Variants in CHODL observed in about 807,000 individuals in gnomAD.
CHODL encodes chondrolectin, also known as transmembrane protein MT75.
In CHODL, 29 loss-of-function variants were observed where a neutral mutation model predicts 34.5. The observed-to-expected ratio is 0.84, with a 90% CI of 0.63 to 1.15. The LOEUF (loss-of-function observed/expected upper bound fraction) is 1.15, where lower values mean the gene tolerates loss of function less well. Ranked by LOEUF, CHODL falls within the 50% of genes most tolerant of loss-of-function variation. CHODL has a pLI of 0.00. For missense variants in CHODL, 332 were observed against 332.5 expected, an observed-to-expected ratio of 1.00 and a Z score of 0.01; for synonymous variants, 125 against 116.1, an observed-to-expected ratio of 1.08 and a Z score of -0.49.
intron 2 of CHODL, among the ~76,000 whole-genome samples, chr21:18,142,783 G>C (rs913993325): frequency 6.6e-6 from 1 of 152,122 alleles, no homozygotes; most frequent in African/African-American, 2.4e-5. Context: ...ACTGTTTTCT[G>C]ACAAATATAT....
intron 1 of CHODL, among the ~76,000 whole-genome samples, chr21:17,968,953 A>G (rs1430754084): frequency 2.6e-5 from 4 of 152,150 alleles, no homozygotes; most frequent in African/African-American, 4.8e-5. Flanking sequence ...GGAACCATCA[A>G]TGGTTTTCTT....
At chr21:18,198,586 G>A (rs1401887681) in intron 2 of CHODL, among the ~76,000 whole-genome samples, 1 of 152,106 alleles carries the variant, frequency 6.6e-6, no homozygotes, top group Non-Finnish European at 1.5e-5. Flanking sequence ...CTCCCAAAGA[G>A]CAGAATTTCT....
chr21:17,978,280 G>A (rs550939825), intron 1 of CHODL, among the ~76,000 whole-genome samples: 1 of 152,030 alleles, frequency 6.6e-6, no homozygotes, highest in Non-Finnish European at 1.5e-5. Flanking sequence ...AAATTAGCTG[G>A]GTGTGGTGGC....
At chr21:18,248,603 A>G (rs1464979015) in intron 1 of CHODL, among the ~76,000 whole-genome samples, 1 of 134,224 alleles carries the variant, frequency 7.5e-6, no homozygotes, top group Non-Finnish European at 1.5e-5. Context: ...TATATAAAAT[A>G]TATGTATAAT....
intron 2 of CHODL, among the ~76,000 whole-genome samples, chr21:18,031,511 T>C (rs2064247379): frequency 6.6e-6 from 1 of 152,052 alleles, no homozygotes; most frequent in African/African-American, 2.4e-5. Context: ...ACAGACTTTA[T>C]TTGCCAAAAT....
At chr21:18,159,179 G>A (rs1192054725) in intron 2 of CHODL, among the ~76,000 whole-genome samples, 2 of 152,188 alleles carry the variant, frequency 1.3e-5, no homozygotes, top group Admixed American at 1.3e-4. Flanking sequence ...ACAATGCAAT[G>A]CACAGGACAA....
intron 2 of CHODL, among the ~76,000 whole-genome samples, chr21:18,133,132 A>T (rs1012926622): frequency 6.6e-6 from 1 of 151,608 alleles, no homozygotes; most frequent in African/African-American, 2.4e-5. Flanking sequence ...AAAGCGGTGT[A>T]TGTCTATGCA....
chr21:18,007,711 A>G (rs2146408070), intron 1 of CHODL, among the ~76,000 whole-genome samples: 1 of 152,362 alleles, frequency 6.6e-6, no homozygotes, highest in South Asian at 2.1e-4. Context: ...GAACTATGTA[A>G]CAGAGGTTAT....
rs35740004 is a variant in CHODL, at chr21:18,218,260, T to A, written c.-44-38249T>A. 4.8e-3 allele frequency among the ~76,000 whole-genome samples: 727 copies of A among 152,326 alleles called. 3 individuals carry two copies. The highest frequency in any genetic ancestry group is 0.015 in the South Asian group (73 of 4,830). The stretch of plus-strand genomic sequence containing the variant: ...AGCAGACTTCTGTCTGGACATCCTC[T>A]GAAATCTAGGCAGAAGTTCCCAAAC... On this transcript the variant is annotated intron_variant, in intron 2 of 6. Coordinates refer to the CHODL transcript ENST00000400127.
chr21:18,092,235 A>G (rs1215128406), intron 2 of CHODL, among the ~76,000 whole-genome samples: 1 of 152,186 alleles, frequency 6.6e-6, no homozygotes, highest in East Asian at 1.9e-4. Flanking sequence ...TAATCCAGAG[A>G]ATTCCTTTGA....
At chr21:18,130,158 C>G (rs965623369) in intron 2 of CHODL, among the ~76,000 whole-genome samples, 5 of 152,018 alleles carry the variant, frequency 3.3e-5, no homozygotes, top group African/African-American at 1.2e-4. Context: ...GTCAATAATG[C>G]AGATATTTAC....
intron 2 of CHODL, among the ~76,000 whole-genome samples, chr21:18,232,899 A>G (rs1434085170): frequency 6.8e-6 from 1 of 147,322 alleles, no homozygotes; most frequent in South Asian, 2.1e-4. Context: ...GGGTCCATAT[A>G]ATTATAATGG....
intron 1 of CHODL, among the ~76,000 whole-genome samples, chr21:17,989,671 A>G (rs1409252092): frequency 1.3e-5 from 2 of 152,114 alleles, no homozygotes; most frequent in Non-Finnish European, 2.9e-5. Context: ...TTAGAATCCA[A>G]CCCCAGAGAT....
At chr21:18,081,531 AT>A (rs1290491041) in intron 2 of CHODL, among the ~76,000 whole-genome samples, 2 of 152,092 alleles carry the variant, frequency 1.3e-5, no homozygotes, top group African/African-American at 4.8e-5. Flanking sequence ...AAGTACAAAA[AT>A]TAGCCAGGCA....
chr21:17,919,457 A>T (rs2063166982), intron 1 of CHODL, among the ~76,000 whole-genome samples: 1 of 152,174 alleles, frequency 6.6e-6, no homozygotes. Flanking sequence ...CTGAAGCAAC[A>T]GCCCAAGCTG....
At chr21:18,119,901 G>A (rs759933754) in intron 2 of CHODL, among the ~76,000 whole-genome samples, 2 of 152,040 alleles carry the variant, frequency 1.3e-5, no homozygotes, top group African/African-American at 2.4e-5. Flanking sequence ...CCAAGCCTCC[G>A]ATTTTGATTT....
chr21:18,175,084 G>T, intron 2 of CHODL, among the ~76,000 whole-genome samples: 1 of 152,134 alleles, frequency 6.6e-6, no homozygotes, highest in South Asian at 2.1e-4. Context: ...TTAGACTAAT[G>T]TGAATATTGT....
intron 1 of CHODL, among the ~76,000 whole-genome samples, chr21:17,997,223 A>T (rs951186580): frequency 6.6e-6 from 1 of 152,206 alleles, no homozygotes; most frequent in African/African-American, 2.4e-5. Flanking sequence ...AGATATGTGG[A>T]ATAATCAAAA....
chr21:18,162,921 G>A (rs1298375748), intron 2 of CHODL, among the ~76,000 whole-genome samples: 5 of 152,144 alleles, frequency 3.3e-5, no homozygotes, highest in South Asian at 2.1e-4. Context: ...GACTGCAGGT[G>A]TACACCAACA....
Sources: allele counts gnomAD v4.1 joint callset (sites outside exome capture counted in the v4.1 genomes callset), GRCh38; gene constraint gnomAD v4.1.1; transcripts MANE v1.5; gene names NCBI Gene and HGNC (gene_info 2026-07-23, HGNC 2026-07-21).